The following STXBP4 variants were observed in gnomAD, a reference collection of about 807,000 sequenced individuals.
STXBP4 encodes syntaxin-binding protein 4.
A neutral mutation model predicts 76.1 loss-of-function variants in STXBP4; 55 were observed. The observed-to-expected ratio is 0.72, with a 90% CI of 0.58 to 0.91. The LOEUF is 0.91. STXBP4 is among the 40% of genes least tolerant of loss of function. The pLI, the probability that STXBP4 is intolerant of heterozygous loss-of-function variation, is 0.00. For missense variants in STXBP4, 618 were observed against 636.9 expected (o/e 0.97, Z 0.32); for synonymous variants, 201 against 220.2 (o/e 0.91, Z 0.77).
the STXBP4 span, among the ~76,000 whole-genome samples, chr17:55,210,743 T>C: frequency 2.6e-5 from 4 of 152,222 alleles, no homozygotes; most frequent in African/African-American, 4.8e-5. Flanking sequence ...AGAACACACA[T>C]GTGTTGTAAA....
chr17:55,145,075 T>C (rs1002929037), intron 17 of STXBP4, among the ~76,000 whole-genome samples: 1 of 152,222 alleles, frequency 6.6e-6, no homozygotes, highest in Non-Finnish European at 1.5e-5. Context: ...TTCTTTATGG[T>C]TCTTAGCTGC....
intron 16 of STXBP4, among the ~76,000 whole-genome samples, chr17:55,118,616 T>A (rs573759000): frequency 6.6e-6 from 1 of 151,966 alleles, no homozygotes; most frequent in East Asian, 1.9e-4. Context: ...TTTTTAAAGC[T>A]ATGAAAGTGG....
intron 16 of STXBP4, among the ~76,000 whole-genome samples, chr17:55,125,500 A>AAAAAAAAAAACAAT (rs1459281293): frequency 6.7e-6 from 1 of 149,180 alleles, no homozygotes; most frequent in African/African-American, 2.5e-5. Context: ...AAAAAAAAAA[A>AAAAAAAAAAACAAT]TACAATTGAA....
chr17:55,128,878 G>T (rs1258976216), intron 16 of STXBP4, among the ~76,000 whole-genome samples: 4 of 150,130 alleles, frequency 2.7e-5, no homozygotes, highest in African/African-American at 7.4e-5. Flanking sequence ...GCCTCCCAAA[G>T]TGCTGGAATT....
intron 4 of STXBP4, among the ~76,000 whole-genome samples, chr17:54,993,279 T>A (rs1053002342): frequency 1.3e-5 from 2 of 152,316 alleles, no homozygotes; most frequent in Admixed American, 1.3e-4. Flanking sequence ...TCTTCCTACC[T>A]GGTCATATCT....
intron 3 of STXBP4, among the ~76,000 whole-genome samples, chr17:54,987,368 A>T (rs1405133989): frequency 6.6e-6 from 1 of 152,200 alleles, no homozygotes; most frequent in Non-Finnish European, 1.5e-5. Flanking sequence ...GTATGTACAC[A>T]TGATAATTAT....
intron 8 of STXBP4, among the ~76,000 whole-genome samples, chr17:55,013,822 A>T (rs926800532): frequency 6.6e-6 from 1 of 152,172 alleles, no homozygotes; most frequent in African/African-American, 2.4e-5. Context: ...AAAACAGTGC[A>T]GGTGAGTTGA....
chr17:55,179,405 G>C, the STXBP4 span, among the ~76,000 whole-genome samples: 5 of 152,140 alleles, frequency 3.3e-5, no homozygotes, highest in Non-Finnish European at 7.3e-5. Context: ...GCAAAGAAGA[G>C]CTTAGACCAT....
the STXBP4 span, among the ~76,000 whole-genome samples, chr17:55,197,712 T>C: frequency 8.5e-4 from 127 of 149,948 alleles, no homozygotes; most frequent in Middle Eastern, 3.4e-3. Flanking sequence ...CACTGCACTC[T>C]AGCCTGGGTG....
At chr17:55,141,441 C>A in intron 17 of STXBP4, 74 bp downstream of exon 17, 1 of 1,311,638 alleles carries the variant, frequency 7.6e-7, no homozygotes, top group Non-Finnish European at 1.1e-6. Context: ...GCAGAATAAT[C>A]AGCAAAACTA....
chr17:55,017,035 GC>G (rs1457147627), intron 8 of STXBP4, among the ~76,000 whole-genome samples: 8 of 152,266 alleles, frequency 5.3e-5, no homozygotes. Context: ...GTATTTTTAG[GC>G]TACACCCTTG....
the STXBP4 span, among the ~76,000 whole-genome samples, chr17:55,186,803 A>T: frequency 6.6e-6 from 1 of 152,190 alleles, no homozygotes; most frequent in South Asian, 2.1e-4. Context: ...TTAGTCCCCA[A>T]TAAATATCAC....
intron 16 of STXBP4, among the ~76,000 whole-genome samples, chr17:55,113,217 C>CCACACACA (rs10611316): frequency 0.014 from 1,954 of 141,386 alleles, 28 homozygotes; most frequent in African/African-American, 0.038. Flanking sequence ...GGTGCTCTTA[C>CCACACACA]CACACACACA....
Position 55,077,796 on chromosome 17 carries a change from A to AAAAAC in STXBP4, c.1189-266_1189-262dup, listed in dbSNP as rs766386919. Among the ~76,000 whole-genome samples, 42 of 151,904 alleles carry AAAAAC rather than the reference A, an allele frequency of 2.8e-4. 1 individual carries two copies. The highest frequency in any genetic ancestry group is 6.8e-3 in the Middle Eastern group (2 of 294). On this transcript the variant is annotated intron_variant, in intron 13 of 17. Coordinates refer to ENST00000376352, the MANE Select transcript of STXBP4 (RefSeq NM_178509.6). ...GTCAGCATCTGGTAAGACACATTGC[A>AAAAAC]AAAACAAAACAAAACAAAACCATAA... is the stretch of plus-strand genomic sequence containing the variant.
chr17:55,037,991 A>C (rs2078633778), intron 10 of STXBP4, among the ~76,000 whole-genome samples: 1 of 152,102 alleles, frequency 6.6e-6, no homozygotes, highest in African/African-American at 2.4e-5. Context: ...TATGCCAATC[A>C]GTCTGTAGTT....
At chr17:55,188,941 CT>C in the STXBP4 span, among the ~76,000 whole-genome samples, 1 of 152,084 alleles carries the variant, frequency 6.6e-6, no homozygotes, top group Non-Finnish European at 1.5e-5. Flanking sequence ...GTATTTCATT[CT>C]TTTTTTAGTC....
At chr17:55,011,847 C>G (rs567069695) in intron 8 of STXBP4, among the ~76,000 whole-genome samples, 2 of 152,186 alleles carry the variant, frequency 1.3e-5, no homozygotes, top group South Asian at 2.1e-4. Flanking sequence ...CTCAGTCCCC[C>G]CTCTCAACAG....
Position 55,165,747 on chromosome 17 carries a change from C to T in STXBP4, c.*5836C>T, listed in dbSNP as rs1415284875. On this transcript the variant is annotated 3_prime_UTR_variant, in exon 18 of 18. Coordinates refer to ENST00000376352, the MANE Select transcript of STXBP4 (RefSeq NM_178509.6). ...TACGGCTCTGAGGAGGTGATTAGGT[C>T]ATGAGGCTCCATCCTGGTGAATGGG... 6.6e-6 allele frequency: 1 copy of T among 152,168 alleles called. No homozygotes were observed. Among genetic ancestry groups the T allele is most frequent in the Admixed American group, 6.6e-5 (1 of 15,256 alleles). The allele number at this position is 152,168 out of a possible 1,614,324, so 9.4% of individuals were successfully genotyped here.
At chr17:55,206,247 G>A in the STXBP4 span, among the ~76,000 whole-genome samples, 3 of 152,086 alleles carry the variant, frequency 2.0e-5, no homozygotes, top group Non-Finnish European at 4.4e-5. Flanking sequence ...TGAGAGAGCT[G>A]AACCCAGTAA....
Sources: allele counts gnomAD v4.1 joint callset (sites outside exome capture counted in the v4.1 genomes callset), GRCh38; gene constraint gnomAD v4.1.1; transcripts MANE v1.5; gene names NCBI Gene and HGNC (gene_info 2026-07-23, HGNC 2026-07-21).